LRP6: variants seen among roughly 807,000 people sequenced by gnomAD.
LRP6 encodes low-density lipoprotein receptor-related protein 6.
Under a neutral mutation model 184.1 loss-of-function variants are expected in LRP6, and 43 were observed. The observed-to-expected ratio is 0.23, with a 90% confidence interval of 0.18 to 0.30. The LOEUF (loss-of-function observed/expected upper bound fraction) is 0.30. Among genes scored for constraint, LRP6 ranks in the 10% least tolerant of loss-of-function variants. The pLI is 1.00. For missense variants in LRP6, 1,571 were observed against 2,005.3 expected (o/e 0.78, Z 4.14); for synonymous variants, 719 against 684.9 (o/e 1.05, Z -0.78).
At chr12:12,257,779 CAAAAAAAAAAA>C (rs1163180718) in intron 1 of LRP6, among the ~76,000 whole-genome samples, 27 of 35,322 alleles carry the variant, frequency 7.6e-4, no homozygotes, top group Non-Finnish European at 1.0e-3. Flanking sequence ...CCTGTCTCTA[CAAAAAAAAAAA>C]AAAAAAAAAA....
chr12:12,245,831 A>C (rs1210912243), intron 1 of LRP6, among the ~76,000 whole-genome samples: 1 of 151,992 alleles, frequency 6.6e-6, no homozygotes, highest in African/African-American at 2.4e-5. Flanking sequence ...TCCTAGTATC[A>C]AGCAACAATT....
rs748894011 is a variant in LRP6 at position 12,159,977 on chromosome 12, TAATA to T, written c.2280-17_2280-14del. ...CCAATACATAAATCTAAATTCAAAA[TAATA>T]AATATTTAACATTTCAATTTTTTAT... is the stretch of plus-strand genomic sequence containing the variant. On this transcript the variant is annotated splice_polypyrimidine_tract_variant and intron_variant, in intron 10 of 22. Transcript: ENST00000261349. 20 of 1,572,252 alleles carry T rather than the reference TAATA, an allele frequency of 1.3e-5. No homozygotes were observed. In the African/African-American group the frequency reaches 2.7e-4, roughly 21 times the overall value.
rs34210761 is a variant in LRP6, at chr12:12,254,143, CA to C, written c.56-9489del. Among the ~76,000 whole-genome samples, 138 of 74,360 alleles carry C rather than the reference CA, an allele frequency of 1.9e-3. No individual in the cohort carries two copies. In the Middle Eastern group the frequency reaches 0.029, roughly 16 times the overall value. 48.8% of individuals were successfully genotyped at this position (74,360 alleles called of 152,430 possible). A position where few individuals can be genotyped will look rare whatever the true frequency, so the allele number is the denominator to read the frequency against. On this transcript the variant is annotated intron_variant, in intron 1 of 22. Transcript: ENST00000261349. ...TGGGTGACAGAGTGAGACTCTGTCT[CA>C]AAAAAAAAAAAAAAAAAAAAAGAAA...
Position 12,266,693 on chromosome 12 carries a change from C to T in LRP6, c.43G>A (p.Val15Met), listed in dbSNP as rs768420049. 2 of 1,613,744 alleles carry T rather than the reference C, an allele frequency of 1.2e-6. No homozygotes were observed. Among genetic ancestry groups the T allele is most frequent in the South Asian group, 2.2e-5 (2 of 90,972 alleles). Reference protein sequence around the residue: ...LRSLLACSFCVLLRAAPLLLY... With the variant: ...LRSLLACSFCMLLRAAPLLLY... ...CCACTCTTCCCACCTCTCAGGAGCACACAGAAGCTGCAGGCCAGGAGGCTC... is the reference window on the plus strand; with the variant it reads ...CCACTCTTCCCACCTCTCAGGAGCATACAGAAGCTGCAGGCCAGGAGGCTC... Residue 15 changes from valine to methionine, a missense_variant, in exon 1 of 23, where the codon GTG (valine) becomes ATG (methionine). Physicochemically the swap from Val to Met is conservative, Grantham distance 21. Transcript: ENST00000261349.
intron 2 of LRP6, among the ~76,000 whole-genome samples, chr12:12,231,500 T>G (rs924524966): frequency 2.0e-5 from 3 of 152,130 alleles, no homozygotes; most frequent in African/African-American, 4.8e-5. Flanking sequence ...GGTTTAGAGT[T>G]TGATTTATTC....
intron 7 of LRP6, among the ~76,000 whole-genome samples, chr12:12,169,086 G>A (rs755931908): frequency 1.8e-4 from 28 of 151,954 alleles, no homozygotes; most frequent in African/African-American, 3.1e-4. Flanking sequence ...AAAATTAGCC[G>A]GGAGTGGTGG....
chr12:12,145,769 T>C (rs897858295), intron 15 of LRP6, among the ~76,000 whole-genome samples: 4 of 151,674 alleles, frequency 2.6e-5, no homozygotes, highest in Admixed American at 2.0e-4. Context: ...GTAGCTGAGA[T>C]TACAGGTGCC....
chr12:12,189,248 T>C (rs2137010090), intron 3 of LRP6, among the ~76,000 whole-genome samples: 1 of 152,336 alleles, frequency 6.6e-6, no homozygotes. Flanking sequence ...TCTTCATCTG[T>C]CAACGGAAGG....
At chr12:12,140,683 A>G (rs1949919528) in intron 15 of LRP6, among the ~76,000 whole-genome samples, 1 of 151,116 alleles carries the variant, frequency 6.6e-6, no homozygotes, top group South Asian at 2.1e-4. Context: ...GCCTCACTGC[A>G]ACCTTCACCT....
chr12:12,228,121 A>T (rs1040365264), intron 2 of LRP6, among the ~76,000 whole-genome samples: 3 of 152,172 alleles, frequency 2.0e-5, no homozygotes, highest in African/African-American at 7.2e-5. Flanking sequence ...CTGTAATCCC[A>T]GCCATTTGGG....
Position 12,164,517 on chromosome 12 carries a change from C to A in LRP6, c.1808G>T (p.Cys603Phe). 1 of 1,614,124 alleles carries A rather than the reference C, an allele frequency of 6.2e-7. No homozygotes were observed. The highest frequency in any genetic ancestry group is 8.5e-7 in the Non-Finnish European group (1 of 1,180,014). The part of the protein sequence containing the change: ...AEENGGCSHL[C>F]LYRPQGLRCA... ...GCGAAGGCCCTGAGGTCTATAGAGG[C>A]AGAGATGGCTACATCCCCCGTTTTC... Residue 603 changes from cysteine (C) to phenylalanine (F), a missense_variant, in exon 9 of 23, where the codon TGC becomes TTC. Transcript: ENST00000261349.
At chr12:12,158,292 A>G (rs933791062) in intron 12 of LRP6, among the ~76,000 whole-genome samples, 1 of 152,142 alleles carries the variant, frequency 6.6e-6, no homozygotes, top group African/African-American at 2.4e-5. Flanking sequence ...CAACTTTTAC[A>G]CTTAATATTT....
chr12:12,149,878 C>T (rs1213240509), intron 13 of LRP6, among the ~76,000 whole-genome samples: 1 of 152,174 alleles, frequency 6.6e-6, no homozygotes, highest in East Asian at 1.9e-4. Flanking sequence ...TCTGAAGTAA[C>T]ATATTCCTTA....
At chr12:12,183,434 G>T (rs1402962470) in intron 5 of LRP6, among the ~76,000 whole-genome samples, 1 of 152,190 alleles carries the variant, frequency 6.6e-6, no homozygotes, top group African/African-American at 2.4e-5. Context: ...AGGGAATTAA[G>T]AGTAAGGAGA....
intron 2 of LRP6, among the ~76,000 whole-genome samples, chr12:12,208,720 C>A (rs1461017863): frequency 6.6e-6 from 1 of 152,140 alleles, no homozygotes; most frequent in East Asian, 1.9e-4. Context: ...CAACTCAGTG[C>A]ACACTGAAAT....
At chr12:12,129,004 G>A (rs558890765) in intron 19 of LRP6, among the ~76,000 whole-genome samples, 10 of 152,292 alleles carry the variant, frequency 6.6e-5, no homozygotes, top group African/African-American at 2.2e-4. Flanking sequence ...CAGGCTGCAA[G>A]TCATTCGTAA....
At chr12:12,142,942 A>T (rs78768492) in intron 15 of LRP6, among the ~76,000 whole-genome samples, 1 of 152,144 alleles carries the variant, frequency 6.6e-6, no homozygotes, top group Non-Finnish European at 1.5e-5. Context: ...ATCCTATTCA[A>T]CACTGTACTG....
chr12:12,172,873 T>A (rs527817543), intron 7 of LRP6, among the ~76,000 whole-genome samples: 1 of 152,308 alleles, frequency 6.6e-6, no homozygotes, highest in African/African-American at 2.4e-5. Flanking sequence ...CACACCTGTT[T>A]GAGAGAGAGG....
chr12:12,218,323 A>T (rs1000300948), intron 2 of LRP6, among the ~76,000 whole-genome samples: 7 of 151,912 alleles, frequency 4.6e-5, no homozygotes, highest in African/African-American at 7.3e-5. Flanking sequence ...AAAAAAATTT[A>T]AAAATTTGCC....
Sources: gnomAD v4.1 joint callset for allele counts (sites outside exome capture counted in the v4.1 genomes callset) on GRCh38, gnomAD v4.1.1 for gene constraint, MANE v1.5 for transcripts, NCBI Gene and HGNC (gene_info 2026-07-23, HGNC 2026-07-21) for gene names.